POC1B: variants seen among roughly 807,000 people sequenced by gnomAD.
POC1B encodes POC1 centriolar protein homolog B.
In POC1B, 44 loss-of-function variants were observed where a neutral mutation model predicts 60.6. That is an observed-to-expected ratio of 0.73 (90% CI 0.57 to 0.93). POC1B has a LOEUF of 0.93. Among genes scored for constraint, POC1B ranks in the 40% least tolerant of loss-of-function variants. The pLI is 0.00. For synonymous variants in POC1B, 180 were observed against 198.9 expected (o/e 0.90, Z 0.80); for missense variants, 555 against 572.3 (o/e 0.97, Z 0.31).
intron 2 of POC1B, chr12:89,524,772 T>C: frequency 1.6e-6 from 1 of 630,966 alleles, no homozygotes; most frequent in South Asian, 2.0e-5. Flanking sequence ...TTCCTCCTGC[T>C]CGGCTCACAA....
intron 2 of POC1B, chr12:89,522,006 C>T (rs1235589996): frequency 1.8e-5 from 7 of 398,820 alleles, no homozygotes; most frequent in Non-Finnish European, 4.4e-6. Flanking sequence ...GGATGAGTCC[C>T]TTTCTAGTAC....
At chr12:89,480,891 C>T (rs939033698) in intron 4 of POC1B, among the ~76,000 whole-genome samples, 4 of 151,684 alleles carry the variant, frequency 2.6e-5, no homozygotes, top group South Asian at 2.1e-4. Context: ...TGAGCCACCA[C>T]GCCCAGCCTA....
chr12:89,469,092 T>G (rs912615509), intron 7 of POC1B, among the ~76,000 whole-genome samples: 2 of 151,986 alleles, frequency 1.3e-5, no homozygotes, highest in African/African-American at 4.8e-5. Flanking sequence ...TGGTGAAACC[T>G]TGTCTCTTCT....
At chr12:89,451,315 C>T (rs771977800) in intron 10 of POC1B, among the ~76,000 whole-genome samples, 16 of 152,116 alleles carry the variant, frequency 1.1e-4, no homozygotes, top group Non-Finnish European at 1.9e-4. Context: ...TTAAAAAGTA[C>T]ATATGATATA....
At position 89,470,365 on chromosome 12, in the gene POC1B, T is replaced by C. The variant is rs1260056991; in HGVS notation, c.806A>G (p.His269Arg). 2 of 1,461,054 alleles carry C rather than the reference T, an allele frequency of 1.4e-6. No homozygotes were observed. Among genetic ancestry groups the C allele is most frequent in the South Asian group, 1.6e-5 (1 of 62,094 alleles). The allele number at this position is 1,461,054 out of a possible 1,614,324, so 90.5% of individuals were successfully genotyped here. The stretch of plus-strand genomic sequence containing the variant: ...CAAGAATCTGAGTGTTAATACCGTA[T>C]GTCCTTGAAGTGTATAGATGAGCCT... ...EGRLIYTLQG[H>R]TGPVFTVSFS... Residue 269 changes from histidine (H) to arginine (R), a missense_variant, in exon 7 of 12, where the codon CAT becomes CGT. Transcript: ENST00000313546.
chr12:89,523,961 G>A (rs1451210682), intron 2 of POC1B: 6 of 1,613,780 alleles, frequency 3.7e-6, no homozygotes, highest in Admixed American at 3.3e-5. Flanking sequence ...CTAATCAAGC[G>A]TACTCTATCA....
intron 8 of POC1B, among the ~76,000 whole-genome samples, 194 bp downstream of exon 8, chr12:89,467,423 C>T (rs776271674): frequency 1.4e-4 from 22 of 152,130 alleles, no homozygotes; most frequent in Non-Finnish European, 3.1e-4. Flanking sequence ...AAGAAAATAA[C>T]TATTTGAGTT....
chr12:89,525,840 G>C, intron 1 of POC1B, 41 bp downstream of exon 1: 2 of 1,407,212 alleles, frequency 1.4e-6, no homozygotes, highest in Non-Finnish European at 1.9e-6. Context: ...CGCGGGACAG[G>C]CTCCAGGGAG....
chr12:89,521,721 C>T (rs1870893863), intron 2 of POC1B: 3 of 303,256 alleles, frequency 9.9e-6, no homozygotes, highest in Non-Finnish European at 1.8e-5. Flanking sequence ...CATTCACCCA[C>T]TTACTGAAAG....
the POC1B span, among the ~76,000 whole-genome samples, chr12:89,411,859 C>G: frequency 3.3e-5 from 5 of 152,172 alleles, no homozygotes; most frequent in Admixed American, 6.5e-5. Flanking sequence ...AAAAGCAACA[C>G]CCCCTTGCAA....
intron 10 of POC1B, among the ~76,000 whole-genome samples, chr12:89,435,214 T>G (rs1565895556): frequency 6.6e-6 from 1 of 150,686 alleles, no homozygotes; most frequent in Non-Finnish European, 1.5e-5. Context: ...GGAGTCTCAC[T>G]TTGTTGCCCA....
At chr12:89,407,373 T>C in the POC1B span, among the ~76,000 whole-genome samples, 2 of 151,516 alleles carry the variant, frequency 1.3e-5, no homozygotes, top group Non-Finnish European at 2.9e-5. Flanking sequence ...GCTGGGATTA[T>C]AGGTGCCTGA....
At chr12:89,510,765 T>C (rs1466856704) in intron 2 of POC1B, among the ~76,000 whole-genome samples, 4 of 148,934 alleles carry the variant, frequency 2.7e-5, no homozygotes, top group Non-Finnish European at 6.0e-5. Flanking sequence ...TTTTTATTCT[T>C]TTTTTTTTTT....
chr12:89,434,897 G>A (rs1416668697), intron 10 of POC1B, among the ~76,000 whole-genome samples: 1 of 152,078 alleles, frequency 6.6e-6, no homozygotes, highest in South Asian at 2.1e-4. Context: ...AGTTTTAAAA[G>A]GGATAAAAGA....
intron 10 of POC1B, among the ~76,000 whole-genome samples, chr12:89,454,164 G>C (rs1344650583): frequency 1.3e-5 from 2 of 152,088 alleles, no homozygotes; most frequent in African/African-American, 4.8e-5. Context: ...CAGCCCCTCT[G>C]CCAAAATGAT....
chr12:89,490,084 A>T (rs1415158870), intron 4 of POC1B, among the ~76,000 whole-genome samples: 1 of 152,168 alleles, frequency 6.6e-6, no homozygotes, highest in East Asian at 1.9e-4. Context: ...TGGAGCCAGC[A>T]TATAGAGAGG....
chr12:89,411,331 A>C, the POC1B span, among the ~76,000 whole-genome samples: 1 of 152,250 alleles, frequency 6.6e-6, no homozygotes, highest in Admixed American at 6.5e-5. Context: ...AAGCAAAAAG[A>C]ACAAAGCCGG....
intron 2 of POC1B, chr12:89,523,019 T>G: frequency 6.2e-7 from 1 of 1,613,848 alleles, no homozygotes; most frequent in South Asian, 1.1e-5. Context: ...CCCACATAAT[T>G]TTTTTGCTCA....
rs1450337124 is a variant in POC1B, at chr12:89,419,947, ATTTC to A, written c.*1202_*1205del. 1.3e-5 allele frequency: 2 copies of A among 152,190 alleles called. No individual in the cohort carries two copies. The highest frequency in any genetic ancestry group is 2.9e-5 in the Non-Finnish European group (2 of 68,032). 9.4% of individuals were successfully genotyped at this position (152,190 alleles called of 1,614,324 possible). ...AACCCATCTCATAGATACAATTGAA[ATTTC>A]TTTGAGAAAAATTTCTAAATATAGA... On this transcript the variant is annotated 3_prime_UTR_variant, in exon 12 of 12. Coordinates refer to ENST00000313546, the MANE Select transcript of POC1B (RefSeq NM_172240.3).
Sources: gnomAD v4.1 joint callset for allele counts (sites outside exome capture counted in the v4.1 genomes callset) on GRCh38, gnomAD v4.1.1 for gene constraint, MANE v1.5 for transcripts, NCBI Gene and HGNC (gene_info 2026-07-23, HGNC 2026-07-21) for gene names.